Variants in ARB2A observed in about 807,000 individuals in gnomAD.
ARB2A encodes cotranscriptional regulator ARB2A.
At chr5:93,703,058 T>TC in the ARB2A span, among the ~76,000 whole-genome samples, 87 of 152,294 alleles carry the variant, frequency 5.7e-4, no homozygotes, top group Admixed American at 4.2e-3. Context: ...TCCCATATAG[T>TC]CCTTCTGGAA....
the ARB2A span, among the ~76,000 whole-genome samples, chr5:93,640,596 G>A: frequency 1.1e-3 from 158 of 148,752 alleles, 1 homozygote; most frequent in African/African-American, 3.7e-3. Context: ...GTGTGTGTGT[G>A]TATACATATG....
At chr5:93,854,997 A>C in the ARB2A span, among the ~76,000 whole-genome samples, 1 of 152,120 alleles carries the variant, frequency 6.6e-6, no homozygotes, top group Non-Finnish European at 1.5e-5. Context: ...AGCTGAGTTC[A>C]ATTCCTGGGT....
At chr5:93,638,149 T>C in the ARB2A span, among the ~76,000 whole-genome samples, 2 of 152,212 alleles carry the variant, frequency 1.3e-5, no homozygotes, top group Admixed American at 1.3e-4. Context: ...GACACTTCCT[T>C]AGCTAATGTT....
At chr5:93,824,356 G>T in the ARB2A span, 1 of 837,490 alleles carries the variant, frequency 1.2e-6, no homozygotes. Context: ...TGCATACACA[G>T]CATATGAAAT....
the ARB2A span, among the ~76,000 whole-genome samples, chr5:93,644,436 C>T: frequency 6.6e-6 from 1 of 152,122 alleles, no homozygotes; most frequent in African/African-American, 2.4e-5. Flanking sequence ...TACACACACA[C>T]ACACCCCAAC....
chr5:94,032,286 G>A, the ARB2A span, among the ~76,000 whole-genome samples: 3,058 of 152,238 alleles, frequency 0.02, 47 homozygotes, highest in Middle Eastern at 0.041. Context: ...TCATCTACTC[G>A]ACTACTGGGG....
At chr5:93,758,351 TTACCAAA>T in the ARB2A span, among the ~76,000 whole-genome samples, 2 of 152,120 alleles carry the variant, frequency 1.3e-5, no homozygotes, top group Non-Finnish European at 2.9e-5. Context: ...CGACAGAAAG[TTACCAAA>T]GAAACCATGG....
At chr5:94,096,736 A>T in the ARB2A span, among the ~76,000 whole-genome samples, 1 of 152,176 alleles carries the variant, frequency 6.6e-6, no homozygotes, top group South Asian at 2.1e-4. Context: ...AGAACAGACC[A>T]TCAAGATCAC....
the ARB2A span, among the ~76,000 whole-genome samples, chr5:93,831,543 A>G: frequency 6.6e-6 from 1 of 152,202 alleles, no homozygotes; most frequent in Admixed American, 6.5e-5. Context: ...CACAAAGCCT[A>G]AAAGCAAGGA....
chr5:93,939,947 C>A, the ARB2A span, among the ~76,000 whole-genome samples: 50 of 151,790 alleles, frequency 3.3e-4, no homozygotes, highest in African/African-American at 1.2e-3. Flanking sequence ...GGCCTTGAAA[C>A]TGTATCCGTT....
At chr5:93,824,126 A>G in the ARB2A span, 3 of 1,548,544 alleles carry the variant, frequency 1.9e-6, no homozygotes, top group Non-Finnish European at 2.6e-6. Flanking sequence ...CTGGAACTAC[A>G]GAGAGTAAAA....
At chr5:93,622,810 G>A in the ARB2A span, among the ~76,000 whole-genome samples, 2 of 152,192 alleles carry the variant, frequency 1.3e-5, no homozygotes, top group African/African-American at 4.8e-5. Context: ...AAATCCTAAA[G>A]TGCTAGGTGG....
the ARB2A span, among the ~76,000 whole-genome samples, chr5:93,745,466 T>A: frequency 6.6e-6 from 1 of 152,152 alleles, no homozygotes; most frequent in Non-Finnish European, 1.5e-5. Flanking sequence ...CTGAGTATAG[T>A]AAGTCCATGA....
chr5:93,795,288 G>A, the ARB2A span, among the ~76,000 whole-genome samples: 7 of 152,266 alleles, frequency 4.6e-5, no homozygotes, highest in African/African-American at 1.7e-4. Context: ...AGTCCTAAAG[G>A]CCAGTCTCAC....
chr5:94,019,132 C>G, the ARB2A span, among the ~76,000 whole-genome samples: 1 of 152,124 alleles, frequency 6.6e-6, no homozygotes, highest in African/African-American at 2.4e-5. Flanking sequence ...AAATGGACCC[C>G]TTCCTTAAAC....
At chr5:93,958,475 T>C in the ARB2A span, among the ~76,000 whole-genome samples, 2 of 152,088 alleles carry the variant, frequency 1.3e-5, no homozygotes, top group Non-Finnish European at 2.9e-5. Context: ...AATTGATATT[T>C]CACAGGATTA....
At chr5:94,083,520 A>T in the ARB2A span, among the ~76,000 whole-genome samples, 2 of 152,208 alleles carry the variant, frequency 1.3e-5, no homozygotes, top group Non-Finnish European at 2.9e-5. Context: ...AAACGTCTGT[A>T]AGCTGACAAA....
At chr5:93,935,778 A>T in the ARB2A span, among the ~76,000 whole-genome samples, 1 of 152,242 alleles carries the variant, frequency 6.6e-6, no homozygotes, top group Admixed American at 6.5e-5. Flanking sequence ...ATTCTTATGT[A>T]AAACTCCATT....
chr5:93,995,850 C>A, the ARB2A span, among the ~76,000 whole-genome samples: 1 of 152,116 alleles, frequency 6.6e-6, no homozygotes, highest in Admixed American at 6.6e-5. Context: ...ATTTCATAGC[C>A]CTGTCCCAAA....
Sources: allele counts gnomAD v4.1 joint callset (sites outside exome capture counted in the v4.1 genomes callset), GRCh38; gene constraint gnomAD v4.1.1; transcripts MANE v1.5; gene names NCBI Gene and HGNC (gene_info 2026-07-23, HGNC 2026-07-21).